Variants in DLG2 observed in about 807,000 individuals in gnomAD.
The protein encoded by DLG2 is disks large homolog 2.
A neutral mutation model predicts 132.5 loss-of-function variants in DLG2; 45 were observed. The ratio of observed to expected loss-of-function variants is 0.34; its 90% CI spans 0.27 to 0.44. The LOEUF (loss-of-function observed/expected upper bound fraction) is 0.44. Ranked by LOEUF, DLG2 falls within the 20% of genes least tolerant of loss-of-function variation. The pLI, the probability that DLG2 is intolerant of heterozygous loss-of-function variation, is 1.00. For missense variants in DLG2, 1,045 were observed against 1,196.9 expected, an observed-to-expected ratio of 0.87 and a Z score of 1.87; for synonymous variants, 424 against 419.6, an observed-to-expected ratio of 1.01 and a Z score of -0.13.
At chr11:83,711,627 A>C (rs994582493) in intron 18 of DLG2, among the ~76,000 whole-genome samples, 3 of 152,196 alleles carry the variant, frequency 2.0e-5, no homozygotes, top group African/African-American at 7.2e-5. Context: ...CACAGTTGTA[A>C]GAAAAGTTAC....
chr11:84,504,245 T>C (rs544124771), intron 7 of DLG2, among the ~76,000 whole-genome samples: 2 of 152,330 alleles, frequency 1.3e-5, no homozygotes, highest in South Asian at 4.1e-4. Flanking sequence ...CCTGTCTTTC[T>C]ACTATCCTCT....
At chr11:83,604,537 G>A (rs1391406560) in intron 19 of DLG2, among the ~76,000 whole-genome samples, 2 of 152,166 alleles carry the variant, frequency 1.3e-5, no homozygotes, top group African/African-American at 2.4e-5. Context: ...TTTTAGGGTA[G>A]TGAAAGTACT....
intron 15 of DLG2, among the ~76,000 whole-genome samples, chr11:83,891,033 G>T (rs1292511693): frequency 6.6e-6 from 1 of 152,056 alleles, no homozygotes; most frequent in Non-Finnish European, 1.5e-5. Flanking sequence ...TAGTTTGAGG[G>T]AATATGCATG....
intron 5 of DLG2, among the ~76,000 whole-genome samples, chr11:85,133,701 T>C (rs1040617834): frequency 2.1e-4 from 32 of 152,132 alleles, no homozygotes; most frequent in Non-Finnish European, 7.4e-5. Context: ...ACTTCCACAT[T>C]CTGAGTGAAA....
At chr11:84,546,946 C>T (rs1036183749) in intron 6 of DLG2, 1 of 157,380 alleles carries the variant, frequency 6.4e-6, no homozygotes, top group African/African-American at 2.4e-5. Flanking sequence ...GTTTCTAGAA[C>T]CTCAGTTTCA....
At chr11:83,666,891 G>A (rs1592069441) in intron 18 of DLG2, among the ~76,000 whole-genome samples, 1 of 152,132 alleles carries the variant, frequency 6.6e-6, no homozygotes. Context: ...AAAGAATGGA[G>A]TCCCTTTCAT....
At chr11:84,166,278 C>T (rs190322775) in intron 8 of DLG2, among the ~76,000 whole-genome samples, 508 of 152,036 alleles carry the variant, frequency 3.3e-3, no homozygotes, top group South Asian at 0.016. Context: ...CAGGAGCAGG[C>T]GGATCAAGAG....
At chr11:84,351,567 T>C (rs1028456646) in intron 7 of DLG2, among the ~76,000 whole-genome samples, 13 of 152,222 alleles carry the variant, frequency 8.5e-5, no homozygotes, top group African/African-American at 1.7e-4. Flanking sequence ...GTCTGTGACA[T>C]ATATAACAGC....
chr11:84,424,672 C>T (rs1276289405), intron 7 of DLG2, among the ~76,000 whole-genome samples: 2 of 151,958 alleles, frequency 1.3e-5, no homozygotes, highest in African/African-American at 4.8e-5. Flanking sequence ...TTTTATGTAT[C>T]AATATATTTT....
intron 22 of DLG2, among the ~76,000 whole-genome samples, chr11:83,481,988 CAAATTG>C (rs1259519174): frequency 6.6e-6 from 1 of 152,024 alleles, no homozygotes; most frequent in Non-Finnish European, 1.5e-5. Flanking sequence ...TTTTCCCTCT[CAAATTG>C]AAAGTTTACA....
chr11:85,175,699 T>C (rs2079186636), intron 4 of DLG2, among the ~76,000 whole-genome samples: 1 of 152,172 alleles, frequency 6.6e-6, no homozygotes, highest in African/African-American at 2.4e-5. Context: ...GACATAATTC[T>C]ATATCTAGAA....
rs186401010 is a variant in DLG2 at position 84,180,348 on chromosome 11, C to T, written c.574-16837G>A. Among the ~76,000 whole-genome samples the T allele has an allele frequency of 3.9e-3, 595 of 152,008 alleles. 2 individuals are homozygous for T. Among genetic ancestry groups the T allele is most frequent in the Non-Finnish European group, 5.2e-3 (354 of 67,948 alleles). ...AGAGAAAAAAAGACAAGACACAGAA[C>T]AAAATAACCAATAGAGAACATTTAA... On this transcript the variant is annotated intron_variant, in intron 8 of 27. Coordinates refer to ENST00000376104, the MANE Select transcript of DLG2 (RefSeq NM_001142699.3).
intron 3 of DLG2, among the ~76,000 whole-genome samples, chr11:85,330,792 T>TAAAAAAAAAAAAAAAAAA (rs56995757): frequency 1.0e-4 from 12 of 116,480 alleles, no homozygotes; most frequent in Non-Finnish European, 1.6e-4. Flanking sequence ...AAAAAAAAAT[T>TAAAAAAAAAAAAAAAAAA]AAAAAAAAAA....
intron 21 of DLG2, among the ~76,000 whole-genome samples, chr11:83,504,805 T>A (rs2094608792): frequency 6.6e-6 from 1 of 152,150 alleles, no homozygotes; most frequent in African/African-American, 2.4e-5. Context: ...ATATATTAGT[T>A]GCTGATTCAG....
intron 14 of DLG2, among the ~76,000 whole-genome samples, chr11:83,955,539 C>T (rs2086620776): frequency 6.6e-6 from 1 of 152,196 alleles, no homozygotes; most frequent in Admixed American, 6.5e-5. Flanking sequence ...CCTGTTCACC[C>T]ACTCTCCCCT....
chr11:83,605,007 C>CAGAGAGAGAGGGAGAGAGAGAGAG (rs2059121543), intron 19 of DLG2, among the ~76,000 whole-genome samples: 1 of 129,834 alleles, frequency 7.7e-6, no homozygotes, highest in Non-Finnish European at 1.7e-5. Context: ...TTTTCAAAGA[C>CAGAGAGAGAGGGAGAGAGAGAGAG]AGAGAGAGAG....
chr11:84,649,473 A>C (rs2099678900), intron 6 of DLG2, among the ~76,000 whole-genome samples: 1 of 152,204 alleles, frequency 6.6e-6, no homozygotes, highest in African/African-American at 2.4e-5. Context: ...ATGGAGAGAA[A>C]CTCATGAATT....
chr11:84,601,802 A>C (rs1422563421), intron 6 of DLG2, among the ~76,000 whole-genome samples: 1 of 152,100 alleles, frequency 6.6e-6, no homozygotes, highest in Non-Finnish European at 1.5e-5. Context: ...CTATAGATAG[A>C]ATATTGGGAG....
intron 6 of DLG2, among the ~76,000 whole-genome samples, chr11:84,714,565 TTC>T (rs1233550837): frequency 2.0e-4 from 20 of 98,716 alleles, no homozygotes; most frequent in African/African-American, 1.1e-3. Flanking sequence ...CTCTTTCTCT[TTC>T]TCTTTCTCTT....
Sources: gnomAD v4.1 joint callset for allele counts (sites outside exome capture counted in the v4.1 genomes callset) on GRCh38, gnomAD v4.1.1 for gene constraint, MANE v1.5 for transcripts, NCBI Gene and HGNC (gene_info 2026-07-23, HGNC 2026-07-21) for gene names.